Variants in SH3BP4 observed in about 807,000 individuals in gnomAD.
SH3BP4 encodes the protein SH3 domain-binding protein 4.
Under a neutral mutation model 65.5 loss-of-function variants are expected in SH3BP4, and 33 were observed. The observed-to-expected ratio is 0.50, with a 90% CI of 0.38 to 0.67. The LOEUF is 0.67. Among genes scored for constraint, SH3BP4 ranks in the 30% least tolerant of loss-of-function variants. The probability of loss-of-function intolerance (pLI) is 0.00; values close to 1 mark genes in which losing one functional copy is unlikely to be tolerated. For missense variants in SH3BP4, 1,134 were observed against 1,261.4 expected, an observed-to-expected ratio of 0.90 and a Z score of 1.53; for synonymous variants, 552 against 545.5, an observed-to-expected ratio of 1.01 and a Z score of -0.17.
At chr2:234,987,619 G>A (rs114498282) in intron 1 of SH3BP4, among the ~76,000 whole-genome samples, 9 of 152,270 alleles carry the variant, frequency 5.9e-5, no homozygotes, top group African/African-American at 1.7e-4. Flanking sequence ...AGAGAGTTCC[G>A]AGGTCAGAAT....
chr2:235,015,077 C>T (rs973262215), intron 2 of SH3BP4, among the ~76,000 whole-genome samples: 2 of 152,202 alleles, frequency 1.3e-5, no homozygotes, highest in African/African-American at 4.8e-5. Flanking sequence ...GCTAAACCTT[C>T]ACTATGCGCA....
At chr2:235,014,509 C>A (rs902946645) in intron 2 of SH3BP4, among the ~76,000 whole-genome samples, 16 of 152,200 alleles carry the variant, frequency 1.1e-4, no homozygotes, top group African/African-American at 3.9e-4. Flanking sequence ...TAACAAAGCA[C>A]CACCAGCCAG....
At chr2:234,992,253 G>T (rs1693768691) in intron 1 of SH3BP4, among the ~76,000 whole-genome samples, 1 of 152,236 alleles carries the variant, frequency 6.6e-6, no homozygotes, top group Non-Finnish European at 1.5e-5. Context: ...GGGGGCAGGA[G>T]CTGGGCAGCC....
intron 2 of SH3BP4, among the ~76,000 whole-genome samples, chr2:234,999,727 CAAG>C (rs985244884): frequency 6.6e-6 from 1 of 152,178 alleles, no homozygotes; most frequent in Non-Finnish European, 1.5e-5. Context: ...CAGACTTGCT[CAAG>C]AAGAAAACAG....
Position 234,972,164 on chromosome 2 carries a change from A to G in SH3BP4, c.-207+19994A>G, listed in dbSNP as rs188078080. On this transcript the variant is annotated intron_variant, in intron 1 of 5. Coordinates refer to ENST00000392011, the MANE Select transcript of SH3BP4 (RefSeq NM_014521.3). ...TTTTTTGTTTTGAGACAGTGTCTCA[A>G]TCTGTCGCCCAGGCTGGAGGGCAGT... Among the ~76,000 whole-genome samples the G allele has an allele frequency of 3.8e-3, 540 of 140,480 alleles. 2 individuals carry two copies. The highest frequency in any genetic ancestry group is 0.023 in the Middle Eastern group (5 of 220). 92.2% of individuals were successfully genotyped at this position (140,480 alleles called of 152,430 possible).
Position 235,041,246 on chromosome 2 carries a change from C to A in SH3BP4, c.477C>A (p.Asn159Lys), listed in dbSNP as rs1415016969. 2 of 1,614,140 alleles carry A rather than the reference C, an allele frequency of 1.2e-6. No homozygotes were observed. The highest frequency in any genetic ancestry group is 1.7e-6 in the Non-Finnish European group (2 of 1,180,038). Residue 159 changes from asparagine to lysine, a missense_variant, in exon 4 of 6, where the codon AAC becomes AAA. Physicochemically the swap from Asn to Lys is moderately conservative, Grantham distance 94 (BLOSUM62 0). Transcript: ENST00000392011. This position sits in a 1 kb window ranked among gnomAD's most constrained non-coding sequence, Gnocchi z 6.0. ...KKVPGRMYSN[N>K]PFWNGVQTNP... The stretch of plus-strand genomic sequence containing the variant: ...TACCAGGCAGAATGTACAGTAATAA[C>A]CCTTTCTGGAATGGGGTCCAGACCA...
At chr2:234,970,691 C>T (rs935074242) in intron 1 of SH3BP4, among the ~76,000 whole-genome samples, 1 of 152,226 alleles carries the variant, frequency 6.6e-6, no homozygotes, top group Non-Finnish European at 1.5e-5. Flanking sequence ...CTAATTCCAG[C>T]TAATTGGGGT....
chr2:234,952,199 G>T lies in SH3BP4; in HGVS notation c.-207+29G>T. 1 of 150,080 alleles carries T rather than the reference G, an allele frequency of 6.7e-6. No homozygotes were observed. The highest frequency in any genetic ancestry group is 1.8e-4 in the South Asian group (1 of 5,510). The allele number at this position is 150,080 out of a possible 1,614,324, so 9.3% of individuals were successfully genotyped here. A position where few individuals can be genotyped will look rare whatever the true frequency, so the allele number is the denominator to read the frequency against. ...GGCAGGCGGCGGCGGGGAGCGCCTCGGGCGGCAGGGCCCTGGGGGCCGGCG... is the reference window on the plus strand; with the variant it reads ...GGCAGGCGGCGGCGGGGAGCGCCTCTGGCGGCAGGGCCCTGGGGGCCGGCG... On this transcript the variant is annotated intron_variant, in intron 1 of 5. Coordinates refer to ENST00000392011, the MANE Select transcript of SH3BP4 (RefSeq NM_014521.3). This position sits in a 1 kb window ranked among gnomAD's most constrained non-coding sequence, Gnocchi z 6.5.
Position 235,041,156 on chromosome 2 carries a change from A to T in SH3BP4, c.387A>T (p.Pro129=), listed in dbSNP as rs781416906. ...LSDSGMIDNL[P]DSPDEVAKEL... ...ACAGCGGTATGATTGATAATCTTCC[A>T]GACAGCCCAGACGAGGTAGCCAAGG... Residue 129 remains proline (P), a synonymous_variant, in exon 4 of 6, where the codon CCA becomes CCT. Transcript: ENST00000392011. The surrounding 1 kb of genome is among the most constrained non-coding windows in gnomAD (Gnocchi z 6.0). 8 of 1,614,082 alleles carry T rather than the reference A, an allele frequency of 5.0e-6. No individual in the cohort carries two copies. In the African/African-American group the frequency reaches 9.3e-5, roughly 19 times the overall value.
Position 235,014,599 on chromosome 2 carries a change from G to C in SH3BP4, c.-133+19223G>C, listed in dbSNP as rs563787674. ...AAGTGTCAGCAGAGCTGTTCCTCCC[G>C]AGGCTGTGAGGGAGAATCTGTCCCA... On this transcript the variant is annotated intron_variant, in intron 2 of 5. Coordinates refer to ENST00000392011, the MANE Select transcript of SH3BP4 (RefSeq NM_014521.3). Among the ~76,000 whole-genome samples, 13 of 152,236 alleles carry C rather than the reference G, an allele frequency of 8.5e-5. No homozygotes were observed. In the East Asian group the frequency reaches 2.3e-3, roughly 27 times the overall value.
chr2:234,988,250 A>G (rs546958909), intron 1 of SH3BP4, among the ~76,000 whole-genome samples: 93 of 152,136 alleles, frequency 6.1e-4, no homozygotes, highest in East Asian at 2.1e-3. Flanking sequence ...TAGTAGAGAC[A>G]GGGTTTCACC....
chr2:234,995,605 C>G (rs935360449), intron 2 of SH3BP4: 12 of 152,356 alleles, frequency 7.9e-5, no homozygotes, highest in African/African-American at 2.4e-4. Context: ...AGTGTTGTCC[C>G]CAGTGTGGGA....
At chr2:235,036,740 A>AAATAAT (rs1553567054) in intron 3 of SH3BP4, among the ~76,000 whole-genome samples, 133 of 141,772 alleles carry the variant, frequency 9.4e-4, no homozygotes, top group African/African-American at 3.3e-3. Context: ...TCTATATAAA[A>AAATAAT]AATAATAATA....
At chr2:235,008,479 TCTC>T (rs1170281090) in intron 2 of SH3BP4, 4 of 152,214 alleles carry the variant, frequency 2.6e-5, no homozygotes, top group Non-Finnish European at 4.4e-5. Flanking sequence ...TTGTACCGCT[TCTC>T]CTTGTAGGTG....
rs896654465 is a variant in SH3BP4 at position 235,030,507 on chromosome 2, A to G, written c.-132-4364A>G. On this transcript the variant is annotated intron_variant, in intron 2 of 5. Transcript: ENST00000392011. The surrounding 1 kb of genome is among the most constrained non-coding windows in gnomAD (Gnocchi z 4.1). The stretch of plus-strand genomic sequence containing the variant: ...CCTGTGCTGTAAGGGGAGGACACAT[A>G]ACCGTCAGCGTCCACGTCTGTTGTT... Among the ~76,000 whole-genome samples the G allele has an allele frequency of 1.3e-5, 2 of 152,118 alleles. No homozygotes were observed. The highest frequency in any genetic ancestry group is 2.9e-5 in the Non-Finnish European group (2 of 68,024).
At chr2:235,044,817 AGTCGGGT>A (rs1327428748) in intron 4 of SH3BP4, among the ~76,000 whole-genome samples, 1 of 152,188 alleles carries the variant, frequency 6.6e-6, no homozygotes, top group African/African-American at 2.4e-5. Flanking sequence ...GTGGGGCAGG[AGTCGGGT>A]GAGACCCTCT....
At position 235,035,544 on chromosome 2, in the gene SH3BP4, A is replaced by G. The variant is rs1371708010; in HGVS notation, c.118+424A>G. On this transcript the variant is annotated intron_variant, in intron 3 of 5. Transcript: ENST00000392011. This position sits in a 1 kb window ranked among gnomAD's most constrained non-coding sequence, Gnocchi z 5.0. ...AAATATTTGAAGCTTTGCAGGCCGTATACCATCTCTGTCACAACTATTCAT... is the reference window on the plus strand; with the variant it reads ...AAATATTTGAAGCTTTGCAGGCCGTGTACCATCTCTGTCACAACTATTCAT... Among the ~76,000 whole-genome samples the G allele has an allele frequency of 1.3e-5, 2 of 152,212 alleles. No individual in the cohort carries two copies. Among genetic ancestry groups the G allele is most frequent in the African/African-American group, 4.8e-5 (2 of 41,448 alleles).
intron 2 of SH3BP4, among the ~76,000 whole-genome samples, chr2:235,015,001 AT>A (rs1195162271): frequency 6.6e-6 from 1 of 152,208 alleles, no homozygotes; most frequent in African/African-American, 2.4e-5. Context: ...TTTCTGTGTT[AT>A]CCTTTAACCC....
At chr2:234,994,663 T>A (rs899333745) in intron 1 of SH3BP4, 8 of 152,206 alleles carry the variant, frequency 5.3e-5, no homozygotes, top group Middle Eastern at 3.2e-3. Context: ...GCGCAGCTGA[T>A]AAGATGCTTC....
Sources: gnomAD v4.1 joint callset for allele counts (sites outside exome capture counted in the v4.1 genomes callset) on GRCh38, gnomAD v4.1.1 for gene constraint, Gnocchi (gnomAD v3.1) non-coding constraint, MANE v1.5 for transcripts, NCBI Gene and HGNC (gene_info 2026-07-23, HGNC 2026-07-21) for gene names.